Variants in SSBP3 observed in about 807,000 individuals in gnomAD.
The protein encoded by SSBP3 is single stranded DNA binding protein 3, also known as single-stranded DNA-binding protein 3.
SSBP3 carries 5 observed loss-of-function variants against 69.6 expected under a neutral mutation model. That is an observed-to-expected ratio of 0.07 (90% CI 0.04 to 0.15). The LOEUF (loss-of-function observed/expected upper bound fraction) is 0.15, where lower values mean the gene tolerates loss of function less well. Ranked by LOEUF, SSBP3 falls within the 10% of genes least tolerant of loss-of-function variation. The pLI is 1.00. For missense variants in SSBP3, 312 were observed against 534.0 expected, an observed-to-expected ratio of 0.58 and a Z score of 4.10; for synonymous variants, 196 against 193.4, an observed-to-expected ratio of 1.01 and a Z score of -0.11.
chr1:54,337,578 A>G (rs1261841610), intron 4 of SSBP3, among the ~76,000 whole-genome samples: 1 of 129,402 alleles, frequency 7.7e-6, no homozygotes, highest in Non-Finnish European at 1.5e-5. Context: ...GCTCACTGCA[A>G]CCTCCCTCCG....
chr1:54,240,103 TGCGTGC>T (rs1557449015), intron 13 of SSBP3, among the ~76,000 whole-genome samples: 36 of 22,176 alleles, frequency 1.6e-3, no homozygotes, highest in Middle Eastern at 0.045. Context: ...CGCGCGCGTG[TGCGTGC>T]GCGCGCGCGC....
intron 14 of SSBP3, among the ~76,000 whole-genome samples, chr1:54,234,361 A>T (rs1214364234): frequency 1.3e-5 from 2 of 151,362 alleles, no homozygotes; most frequent in African/African-American, 2.4e-5. Flanking sequence ...TAAATTAAAA[A>T]AAATAAATAA....
chr1:54,311,828 C>T (rs770842308), intron 4 of SSBP3, among the ~76,000 whole-genome samples: 1 of 152,140 alleles, frequency 6.6e-6, no homozygotes, highest in Non-Finnish European at 1.5e-5. Context: ...CCTTGTATGA[C>T]TCTACCCAAA....
intron 4 of SSBP3, among the ~76,000 whole-genome samples, chr1:54,395,977 T>C (rs1648835604): frequency 1.3e-5 from 2 of 151,914 alleles, no homozygotes. Context: ...CAGATCACAA[T>C]GTCAGGAGTT....
At chr1:54,320,783 T>G (rs56230215) in intron 4 of SSBP3, among the ~76,000 whole-genome samples, 19,872 of 152,148 alleles carry the variant, frequency 0.13, 1,662 homozygotes, top group East Asian at 0.25. Context: ...GATAAGCAGA[T>G]AGCTTCAATC....
Position 54,228,375 on chromosome 1 carries a change from A to G in SSBP3, c.1036-19T>C. 1 of 1,614,002 alleles carries G rather than the reference A, an allele frequency of 6.2e-7. No homozygotes were observed. Among genetic ancestry groups the G allele is most frequent in the Non-Finnish European group, 8.5e-7 (1 of 1,179,920 alleles). On this transcript the variant is annotated intron_variant, in intron 16 of 17. Coordinates refer to ENST00000610401, the Ensembl canonical transcript of SSBP3. The stretch of plus-strand genomic sequence containing the variant: ...GAGAATTCTGTGGAAAGAGGAGAGG[A>G]GGTGAGCACCTGTGTCCCCAACAAC...
At chr1:54,304,365 C>T (rs186140936) in intron 4 of SSBP3, among the ~76,000 whole-genome samples, 6 of 150,584 alleles carry the variant, frequency 4.0e-5, no homozygotes, top group South Asian at 4.3e-4. Flanking sequence ...GACAACAATG[C>T]CTCAATTTCC....
At chr1:54,377,754 T>A (rs1196485477) in intron 4 of SSBP3, among the ~76,000 whole-genome samples, 1 of 152,170 alleles carries the variant, frequency 6.6e-6, no homozygotes, top group African/African-American at 2.4e-5. Flanking sequence ...TGGTGATACG[T>A]CCTAGAAAGG....
At chr1:54,369,109 A>G (rs934224341) in intron 4 of SSBP3, among the ~76,000 whole-genome samples, 2 of 152,160 alleles carry the variant, frequency 1.3e-5, no homozygotes, top group Non-Finnish European at 2.9e-5. Context: ...TAAAACGAAA[A>G]AAAGTAAGTC....
intron 4 of SSBP3, among the ~76,000 whole-genome samples, chr1:54,350,515 AAG>A (rs1646764974): frequency 6.6e-6 from 1 of 152,366 alleles, no homozygotes; most frequent in East Asian, 1.9e-4. Flanking sequence ...GGCCACAGCC[AAG>A]AGAGATTTAT....
At chr1:54,232,897 G>C (rs1644406217) in intron 14 of SSBP3, among the ~76,000 whole-genome samples, 1 of 152,234 alleles carries the variant, frequency 6.6e-6, no homozygotes, top group African/African-American at 2.4e-5. Context: ...ACGGTGCCCA[G>C]GCTGGAGTGC....
At chr1:54,385,732 C>T (rs1357148600) in intron 4 of SSBP3, among the ~76,000 whole-genome samples, 1 of 152,168 alleles carries the variant, frequency 6.6e-6, no homozygotes, top group African/African-American at 2.4e-5. Flanking sequence ...ACATGCTCTG[C>T]TTCATTATCT....
chr1:54,255,864 G>A (rs965579905), intron 7 of SSBP3, among the ~76,000 whole-genome samples: 3 of 152,192 alleles, frequency 2.0e-5, no homozygotes, highest in Non-Finnish European at 2.9e-5. Context: ...CATGAAGTCA[G>A]GAGTTTGAGA....
chr1:54,309,166 C>A (rs1384970084), intron 4 of SSBP3, among the ~76,000 whole-genome samples: 1 of 152,176 alleles, frequency 6.6e-6, no homozygotes, highest in African/African-American at 2.4e-5. Context: ...GGTTTTGTAA[C>A]CTTCCCACAT....
intron 4 of SSBP3, among the ~76,000 whole-genome samples, chr1:54,386,040 C>G (rs746965757): frequency 6.6e-6 from 1 of 152,190 alleles, no homozygotes; most frequent in Non-Finnish European, 1.5e-5. Flanking sequence ...TTAACTGATG[C>G]TTCAAAAAGT....
At chr1:54,412,426 T>C (rs1650017726) in intron 1 of SSBP3, among the ~76,000 whole-genome samples, 1 of 152,228 alleles carries the variant, frequency 6.6e-6, no homozygotes, top group Non-Finnish European at 1.5e-5. Context: ...TTATGCTAAA[T>C]GAAATCAGCC....
intron 9 of SSBP3, among the ~76,000 whole-genome samples, chr1:54,245,472 G>C (rs1454606885): frequency 6.6e-6 from 1 of 152,226 alleles, no homozygotes; most frequent in African/African-American, 2.4e-5. Context: ...GACACACACA[G>C]AGCCAATATT....
intron 4 of SSBP3, among the ~76,000 whole-genome samples, chr1:54,288,448 C>A (rs1253574185): frequency 2.0e-5 from 3 of 152,136 alleles, no homozygotes; most frequent in Non-Finnish European, 2.9e-5. Flanking sequence ...CCATCAGACC[C>A]AAATGAGGGT....
At chr1:54,346,773 C>T (rs1646697435) in intron 4 of SSBP3, among the ~76,000 whole-genome samples, 1 of 151,458 alleles carries the variant, frequency 6.6e-6, no homozygotes, top group Non-Finnish European at 1.5e-5. Context: ...CGAGATTGCA[C>T]CACTGCACTC....
Sources: allele counts gnomAD v4.1 joint callset (sites outside exome capture counted in the v4.1 genomes callset), GRCh38; gene constraint gnomAD v4.1.1; transcripts MANE v1.5; gene names NCBI Gene and HGNC (gene_info 2026-07-23, HGNC 2026-07-21).